The following MINDY2 variants were observed in gnomAD, a reference collection of about 807,000 sequenced individuals.
The protein encoded by MINDY2 is MINDY lysine 48 deubiquitinase 2.
Under a neutral mutation model 68.2 loss-of-function variants are expected in MINDY2, and 52 were observed. The ratio of observed to expected loss-of-function variants is 0.76; its 90% CI spans 0.61 to 0.96. MINDY2 has a LOEUF of 0.96. Among genes scored for constraint, MINDY2 ranks in the 40% least tolerant of loss-of-function variants. MINDY2 has a pLI of 0.00. For missense variants in MINDY2, 881 were observed against 773.4 expected, an observed-to-expected ratio of 1.14 and a Z score of -1.65; for synonymous variants, 372 against 303.0, an observed-to-expected ratio of 1.23 and a Z score of -2.36.
At chr15:58,833,307 A>G (rs1309237670) in intron 6 of MINDY2, among the ~76,000 whole-genome samples, 1 of 152,122 alleles carries the variant, frequency 6.6e-6, no homozygotes, top group Non-Finnish European at 1.5e-5. Context: ...TACACACACT[A>G]TACCTTCTAA....
chr15:58,851,275 C>G (rs1330556876), intron 7 of MINDY2, among the ~76,000 whole-genome samples: 3 of 151,566 alleles, frequency 2.0e-5, no homozygotes, highest in African/African-American at 4.8e-5. Context: ...CACCTGGCCT[C>G]CAAAAATATT....
intron 2 of MINDY2, among the ~76,000 whole-genome samples, chr15:58,801,099 G>A (rs570275033): frequency 8.6e-5 from 13 of 151,904 alleles, no homozygotes; most frequent in South Asian, 2.1e-4. Context: ...TCAGCCTCCT[G>A]AGTAGTTGGG....
At chr15:58,791,215 TTA>T (rs57998049) in intron 2 of MINDY2, among the ~76,000 whole-genome samples, 124 of 79,572 alleles carry the variant, frequency 1.6e-3, no homozygotes, top group Non-Finnish European at 2.4e-3. Context: ...GAAAGCAATT[TTA>T]TATATATATA....
chr15:58,823,869 A>C (rs1210519280), intron 5 of MINDY2, among the ~76,000 whole-genome samples: 1 of 152,136 alleles, frequency 6.6e-6, no homozygotes, highest in Non-Finnish European at 1.5e-5. Flanking sequence ...AAAAAATTCC[A>C]CTCACTAGAA....
chr15:58,771,787 C>A lies in MINDY2; in HGVS notation c.392C>A (p.Ala131Asp). The change falls in exon 1 of 9, where the codon GCC becomes GAC. Residue 131 changes from alanine (A) to aspartate (D), a missense_variant. By Grantham distance (126) the Ala-to-Asp change is moderately radical. Transcript: ENST00000559228. ...TTGGGTACCGCCGGAGACGCGGGAG[C>A]CCGCCCGGATCTCGCCGGCACCTGC... ...HELGTAGDAG[A>D]RPDLAGTCQA... is the part of the protein sequence containing the mutation. 1 of 1,610,106 alleles carries A rather than the reference C, an allele frequency of 6.2e-7. No homozygotes were observed. Among genetic ancestry groups the A allele is most frequent in the African/African-American group, 1.3e-5 (1 of 74,998 alleles).
At chr15:58,781,116 C>G (rs906376215) in intron 1 of MINDY2, among the ~76,000 whole-genome samples, 1 of 151,984 alleles carries the variant, frequency 6.6e-6, no homozygotes, top group South Asian at 2.1e-4. Flanking sequence ...ATGGTGTGGT[C>G]TTGGCTCACT....
intron 1 of MINDY2, among the ~76,000 whole-genome samples, chr15:58,776,753 G>T (rs1900797093): frequency 1.3e-5 from 2 of 152,118 alleles, no homozygotes; most frequent in South Asian, 4.1e-4. Flanking sequence ...CGTGTGTGGT[G>T]GCTCATGCCT....
intron 1 of MINDY2, among the ~76,000 whole-genome samples, chr15:58,775,532 A>C (rs1219464376): frequency 1.3e-5 from 2 of 152,228 alleles, no homozygotes; most frequent in African/African-American, 4.8e-5. Context: ...TAGTGAGTGT[A>C]GCACGAAGAA....
chr15:58,826,490 A>G lies in MINDY2; in HGVS notation c.1225+4671A>G, dbSNP rs144706813. Among the ~76,000 whole-genome samples, 488 of 152,038 alleles carry G rather than the reference A, an allele frequency of 3.2e-3. 2 individuals carry two copies. Among genetic ancestry groups the G allele is most frequent in the African/African-American group, 0.011 (466 of 41,482 alleles). On this transcript the variant is annotated intron_variant, in intron 5 of 8. Transcript: ENST00000559228. Reference sequence around the variant, plus strand: ...GTGATCCGCCCGCCTTGGCCTTCCAAAGTGCTGGTATTACAGACATGAGCC... The same window carrying G: ...GTGATCCGCCCGCCTTGGCCTTCCAGAGTGCTGGTATTACAGACATGAGCC...
At chr15:58,772,864 G>C (rs1442578274) in intron 1 of MINDY2, among the ~76,000 whole-genome samples, 1 of 152,060 alleles carries the variant, frequency 6.6e-6, no homozygotes, top group African/African-American at 2.4e-5. Flanking sequence ...TCCTTAAATG[G>C]TTTGGCATTA....
intron 7 of MINDY2, among the ~76,000 whole-genome samples, chr15:58,850,264 A>G (rs2032750190): frequency 6.6e-6 from 1 of 152,212 alleles, no homozygotes; most frequent in South Asian, 2.1e-4. Context: ...GTAAGACTAT[A>G]TGATGGCTAC....
At chr15:58,816,492 C>G (rs2030698121) in intron 4 of MINDY2, among the ~76,000 whole-genome samples, 1 of 151,952 alleles carries the variant, frequency 6.6e-6, no homozygotes, top group Non-Finnish European at 1.5e-5. Context: ...CTCACTGCAG[C>G]CTCAGATGGC....
At chr15:58,808,461 G>A (rs1289854353) in intron 3 of MINDY2, among the ~76,000 whole-genome samples, 1 of 152,158 alleles carries the variant, frequency 6.6e-6, no homozygotes, top group East Asian at 1.9e-4. Context: ...GAATTATACA[G>A]TATGTAGCCT....
At chr15:58,843,991 T>G (rs1011379628) in intron 6 of MINDY2, among the ~76,000 whole-genome samples, 1 of 147,438 alleles carries the variant, frequency 6.8e-6, no homozygotes, top group South Asian at 2.3e-4. Context: ...ATTAAGAATT[T>G]AATGCATTAA....
At chr15:58,834,839 C>T (rs979373663) in intron 6 of MINDY2, among the ~76,000 whole-genome samples, 1 of 152,102 alleles carries the variant, frequency 6.6e-6, no homozygotes, top group Non-Finnish European at 1.5e-5. Flanking sequence ...CCCTTAAAGC[C>T]GTTGCTCTCC....
At chr15:58,832,243 T>A (rs1192948363) in intron 6 of MINDY2, among the ~76,000 whole-genome samples, 3 of 151,630 alleles carry the variant, frequency 2.0e-5, no homozygotes, top group African/African-American at 7.3e-5. Context: ...TTTTTTTTTT[T>A]GAAATGGAAT....
At chr15:58,796,078 A>G (rs1170510402) in intron 2 of MINDY2, 1 of 455,554 alleles carries the variant, frequency 2.2e-6, no homozygotes, top group Non-Finnish European at 4.4e-6. Context: ...TGGAGTGGTG[A>G]GTTGAAGAGT....
intron 6 of MINDY2, among the ~76,000 whole-genome samples, chr15:58,840,458 C>A (rs532894102): frequency 1.3e-5 from 2 of 151,818 alleles, no homozygotes; most frequent in Non-Finnish European, 2.9e-5. Flanking sequence ...CCTCCATGAA[C>A]CCTTCATTAA....
intron 1 of MINDY2, among the ~76,000 whole-genome samples, chr15:58,781,347 C>G (rs1202467318): frequency 2.0e-5 from 3 of 152,082 alleles, no homozygotes; most frequent in African/African-American, 7.2e-5. Context: ...CCACCGCACC[C>G]AGCCTACTAG....
Sources: gnomAD v4.1 joint callset for allele counts (sites outside exome capture counted in the v4.1 genomes callset) on GRCh38, gnomAD v4.1.1 for gene constraint, MANE v1.5 for transcripts, NCBI Gene and HGNC (gene_info 2026-07-23, HGNC 2026-07-21) for gene names.